The following PHIP variants were observed in gnomAD, a reference collection of about 807,000 sequenced individuals.
PHIP encodes PHIP subunit of CUL4-Ring ligase complex.
In PHIP, 54 loss-of-function variants were observed where a neutral mutation model predicts 236.8. The ratio of observed to expected loss-of-function variants is 0.23; its 90% CI spans 0.18 to 0.29. The LOEUF (loss-of-function observed/expected upper bound fraction) is 0.29, where lower values mean the gene tolerates loss of function less well. Ranked by LOEUF, PHIP falls within the 10% of genes least tolerant of loss-of-function variation. PHIP has a pLI of 1.00. For synonymous variants in PHIP, 756 were observed against 718.9 expected, an observed-to-expected ratio of 1.05 and a Z score of -0.83; for missense variants, 1,370 against 2,190.8, an observed-to-expected ratio of 0.63 and a Z score of 7.48.
chr6:79,047,250 T>C (rs1289841175), intron 6 of PHIP, among the ~76,000 whole-genome samples: 4 of 152,188 alleles, frequency 2.6e-5, no homozygotes, highest in East Asian at 1.9e-4. Flanking sequence ...ACATTAGATG[T>C]GACTATGCGC....
chr6:78,967,922 C>T (rs1002523043), intron 27 of PHIP, among the ~76,000 whole-genome samples: 1 of 151,850 alleles, frequency 6.6e-6, no homozygotes, highest in Non-Finnish European at 1.5e-5. Flanking sequence ...ATCACAAGGT[C>T]AGGAGATCAA....
intron 6 of PHIP, among the ~76,000 whole-genome samples, 175 bp downstream of exon 6, chr6:79,060,303 C>T (rs1773310022): frequency 6.6e-6 from 1 of 152,120 alleles, no homozygotes; most frequent in Non-Finnish European, 1.5e-5. Flanking sequence ...CCTCATTATA[C>T]ATGACTTTTT....
intron 15 of PHIP, among the ~76,000 whole-genome samples, chr6:79,008,759 C>T (rs1770428629): frequency 6.6e-6 from 1 of 152,120 alleles, no homozygotes; most frequent in Non-Finnish European, 1.5e-5. Context: ...TAGTCTATCT[C>T]CAAGTGCCAG....
chr6:78,960,763 G>T (rs571026111), intron 31 of PHIP, among the ~76,000 whole-genome samples: 1 of 152,132 alleles, frequency 6.6e-6, no homozygotes, highest in East Asian at 1.9e-4. Flanking sequence ...GCTGCTACTG[G>T]CATCTAGTGG....
chr6:79,025,700 C>T, intron 8 of PHIP, 81 bp from the exon 9 acceptor site: 1 of 856,234 alleles, frequency 1.2e-6, no homozygotes, highest in South Asian at 1.5e-5. Flanking sequence ...ATACAAATAG[C>T]AACTAACAAC....
intron 23 of PHIP, among the ~76,000 whole-genome samples, chr6:78,979,334 A>C (rs1239105834): frequency 6.6e-6 from 1 of 152,082 alleles, no homozygotes; most frequent in Non-Finnish European, 1.5e-5. Context: ...TATCCCCACA[A>C]ACCCCAAAGT....
intron 4 of PHIP, among the ~76,000 whole-genome samples, chr6:79,066,520 G>A (rs1773628416): frequency 6.6e-6 from 1 of 152,076 alleles, no homozygotes; most frequent in African/African-American, 2.4e-5. Context: ...CCTCAAATAT[G>A]TGTATATATC....
At chr6:79,073,545 T>G (rs1203214309) in intron 4 of PHIP, among the ~76,000 whole-genome samples, 4 of 152,152 alleles carry the variant, frequency 2.6e-5, no homozygotes, top group Admixed American at 2.0e-4. Context: ...GAATCCCTAC[T>G]TCTAAAACAT....
intron 9 of PHIP, 56 bp downstream of exon 9, chr6:79,025,463 C>T: frequency 9.8e-7 from 1 of 1,017,318 alleles, no homozygotes; most frequent in South Asian, 1.3e-5. Flanking sequence ...TATACTTTTG[C>T]AATTTCACTC....
intron 24 of PHIP, among the ~76,000 whole-genome samples, chr6:78,977,978 T>A (rs997311902): frequency 6.6e-6 from 1 of 152,160 alleles, no homozygotes; most frequent in African/African-American, 2.4e-5. Flanking sequence ...GGACACCAGA[T>A]AACACTGCCT....
chr6:79,037,106 G>C (rs1397167998), intron 7 of PHIP, among the ~76,000 whole-genome samples: 2 of 151,946 alleles, frequency 1.3e-5, no homozygotes, highest in South Asian at 4.1e-4. Flanking sequence ...TTCAAATTTT[G>C]TCAACTGTTT....
At chr6:78,973,204 G>C (rs1767744579) in intron 24 of PHIP, among the ~76,000 whole-genome samples, 1 of 152,110 alleles carries the variant, frequency 6.6e-6, no homozygotes, top group Admixed American at 6.5e-5. Flanking sequence ...CAAGCCAGAA[G>C]AGAGTGGGGG....
rs1582070161 is a variant in PHIP, at chr6:78,940,557, T to TTTTGTTTGTTTTG, written c.*135_*136insCAAAACAAACAAA. ...AGTGTCTCGTAAGTTTGTTTTTTTT[T>TTTTGTTTGTTTTG]TTTTTTTTTTTTTTGCAAATCAAAT... On this transcript the variant is annotated 3_prime_UTR_variant, in exon 40 of 40. Transcript: ENST00000275034. 3.3e-5 allele frequency: 6 copies of TTTTGTTTGTTTTG among 179,180 alleles called. No individual in the cohort carries two copies. The East Asian group carries it at 3.8e-4, about 11-fold the overall frequency. The allele number at this position is 179,180 out of a possible 1,614,324, so 11.1% of individuals were successfully genotyped here. A position where few individuals can be genotyped will look rare whatever the true frequency, so the allele number is the denominator to read the frequency against.
At chr6:78,965,108 T>C (rs964136646) in intron 29 of PHIP, among the ~76,000 whole-genome samples, 2 of 152,180 alleles carry the variant, frequency 1.3e-5, no homozygotes, top group African/African-American at 4.8e-5. Flanking sequence ...ATAATGACAG[T>C]TATATTATCA....
intron 6 of PHIP, among the ~76,000 whole-genome samples, chr6:79,043,501 C>T (rs762826178): frequency 1.3e-4 from 20 of 152,070 alleles, no homozygotes; most frequent in South Asian, 2.1e-4. Flanking sequence ...TAAAGGAATA[C>T]GTCATTTGCA....
intron 24 of PHIP, among the ~76,000 whole-genome samples, chr6:78,975,809 A>G (rs1212528285): frequency 6.6e-6 from 1 of 150,872 alleles, no homozygotes. Flanking sequence ...TAGGAATCCA[A>G]CTTACAAGGG....
chr6:79,006,401 C>T (rs755213569), intron 15 of PHIP, among the ~76,000 whole-genome samples: 6 of 151,662 alleles, frequency 4.0e-5, no homozygotes, highest in East Asian at 1.9e-4. Context: ...ATGTATGGTA[C>T]GATTAAGTAA....
chr6:78,997,376 AG>A (rs1451893734), intron 19 of PHIP, 37 bp downstream of exon 19: 1 of 1,575,370 alleles, frequency 6.3e-7, no homozygotes, highest in Non-Finnish European at 8.7e-7. Flanking sequence ...AATGAACCCA[AG>A]GAACTATGGT....
At chr6:79,059,594 TATA>T (rs1773255654) in intron 6 of PHIP, among the ~76,000 whole-genome samples, 1 of 48,688 alleles carries the variant, frequency 2.1e-5, no homozygotes, top group African/African-American at 7.1e-5. Context: ...AGCAAAATTA[TATA>T]TATATATATA....
Sources: gnomAD v4.1 joint callset for allele counts (sites outside exome capture counted in the v4.1 genomes callset) on GRCh38, gnomAD v4.1.1 for gene constraint, MANE v1.5 for transcripts, NCBI Gene and HGNC (gene_info 2026-07-23, HGNC 2026-07-21) for gene names.